PTPRD: variants seen among roughly 807,000 people sequenced by gnomAD.
PTPRD encodes protein tyrosine phosphatase receptor type D.
In PTPRD, 34 loss-of-function variants were observed where a neutral mutation model predicts 214.5. That is an observed-to-expected ratio of 0.16 (90% CI 0.12 to 0.21). PTPRD has a LOEUF of 0.21. PTPRD is among the 10% of genes least tolerant of loss of function. The pLI is 1.00. For synonymous variants in PTPRD, 1,128 were observed against 845.7 expected, an observed-to-expected ratio of 1.33 and a Z score of -5.79; for missense variants, 2,545 against 2,398.7, an observed-to-expected ratio of 1.06 and a Z score of -1.27.
chr9:9,972,314 G>T (rs1008212847), intron 4 of PTPRD, among the ~76,000 whole-genome samples: 2 of 152,012 alleles, frequency 1.3e-5, no homozygotes, highest in Non-Finnish European at 2.9e-5. Flanking sequence ...CCCTATTTTT[G>T]CTCTTCTCAA....
intron 25 of PTPRD, among the ~76,000 whole-genome samples, chr9:8,499,351 AT>A (rs370975692): frequency 3.3e-5 from 5 of 152,286 alleles, no homozygotes; most frequent in African/African-American, 1.2e-4. Flanking sequence ...TAAGTCAATC[AT>A]TTTTTGAAGT....
At chr9:8,636,965 T>G (rs1445375872) in intron 12 of PTPRD, 121 bp from the exon 13 acceptor site, 3 of 959,390 alleles carry the variant, frequency 3.1e-6, no homozygotes, top group Non-Finnish European at 1.5e-6. Flanking sequence ...ATTTTTACAA[T>G]GCACTATGGG....
intron 2 of PTPRD, among the ~76,000 whole-genome samples, chr9:10,396,117 C>T (rs2098165547): frequency 6.6e-6 from 1 of 151,908 alleles, no homozygotes; most frequent in African/African-American, 2.4e-5. Flanking sequence ...TCCATGAAAA[C>T]CCCTCAGATT....
chr9:8,411,289 T>C (rs981278536), intron 35 of PTPRD, among the ~76,000 whole-genome samples: 5 of 151,170 alleles, frequency 3.3e-5, no homozygotes, highest in Non-Finnish European at 7.4e-5. Flanking sequence ...TTTTTAAAAT[T>C]TTTTATTTAT....
At chr9:8,532,849 T>A (rs1421275396) in intron 14 of PTPRD, among the ~76,000 whole-genome samples, 1 of 152,038 alleles carries the variant, frequency 6.6e-6, no homozygotes, top group Non-Finnish European at 1.5e-5. Context: ...CCTCTTTGAA[T>A]CTGTTGGTAT....
At chr9:9,809,187 TTTTCTGTC>T (rs912486902) in intron 5 of PTPRD, among the ~76,000 whole-genome samples, 3 of 152,062 alleles carry the variant, frequency 2.0e-5, no homozygotes, top group Non-Finnish European at 2.9e-5. Context: ...GTAGGCCTTT[TTTTCTGTC>T]TATTCTGTCT....
At position 9,711,854 on chromosome 9, in the gene PTPRD, A is replaced by G. The variant is rs1306112623; in HGVS notation, c.-287+22679T>C. Among the ~76,000 whole-genome samples the G allele has an allele frequency of 6.6e-5, 10 of 152,194 alleles. No homozygotes were observed. The South Asian group carries it at 1.7e-3, about 25-fold the overall frequency. On this transcript the variant is annotated intron_variant, in intron 7 of 45. Transcript: ENST00000381196. ...ATTCACACAGCCTCAATAATTAGACATGCCTGATTCAGAGTCATGGCATGA... is the reference window on the plus strand; with the variant it reads ...ATTCACACAGCCTCAATAATTAGACGTGCCTGATTCAGAGTCATGGCATGA...
intron 7 of PTPRD, among the ~76,000 whole-genome samples, chr9:9,655,986 A>G (rs936794307): frequency 1.3e-5 from 2 of 152,250 alleles, no homozygotes; most frequent in East Asian, 3.8e-4. Context: ...TCAAAAAAAT[A>G]AAATGAATAA....
chr9:10,223,442 A>T (rs1191180375), intron 3 of PTPRD, among the ~76,000 whole-genome samples: 1 of 151,972 alleles, frequency 6.6e-6, no homozygotes, highest in East Asian at 1.9e-4. Flanking sequence ...AGGCGGGCAG[A>T]TCACTTGAGG....
intron 7 of PTPRD, among the ~76,000 whole-genome samples, chr9:9,684,507 T>C (rs921420456): frequency 2.6e-5 from 4 of 151,694 alleles, no homozygotes; most frequent in Non-Finnish European, 5.9e-5. Context: ...AAAGAAAGAC[T>C]CTACCTAAGA....
chr9:9,847,941 C>G (rs545298749), intron 5 of PTPRD, among the ~76,000 whole-genome samples: 3 of 152,108 alleles, frequency 2.0e-5, no homozygotes, highest in Non-Finnish European at 2.9e-5. Context: ...CCTGCTAGAA[C>G]AGCCCCCAGC....
At chr9:9,953,493 GAC>G (rs59836734) in intron 4 of PTPRD, among the ~76,000 whole-genome samples, 9,181 of 144,800 alleles carry the variant, frequency 0.063, 512 homozygotes, top group African/African-American at 0.16. Flanking sequence ...GGGAATTGTG[GAC>G]ACACACACAC....
chr9:9,206,420 A>G (rs965615683), intron 9 of PTPRD, among the ~76,000 whole-genome samples: 3 of 152,160 alleles, frequency 2.0e-5, no homozygotes, highest in African/African-American at 4.8e-5. Flanking sequence ...GGCAAGAGAA[A>G]TCAGTTAGGA....
intron 9 of PTPRD, among the ~76,000 whole-genome samples, chr9:9,206,091 G>C (rs1028549898): frequency 6.6e-6 from 1 of 152,156 alleles, no homozygotes; most frequent in Non-Finnish European, 1.5e-5. Flanking sequence ...ATTCTAGATA[G>C]CTTTTAGAGC....
intron 10 of PTPRD, among the ~76,000 whole-genome samples, chr9:9,050,698 C>G (rs905927445): frequency 1.2e-4 from 2 of 17,094 alleles, no homozygotes; most frequent in Non-Finnish European, 5.1e-3. Context: ...CTACCTACCT[C>G]TTAGTAGCTG....
At chr9:9,281,253 T>C (rs1445128519) in intron 9 of PTPRD, among the ~76,000 whole-genome samples, 1 of 151,104 alleles carries the variant, frequency 6.6e-6, no homozygotes, top group Non-Finnish European at 1.5e-5. Flanking sequence ...TAATTGATAG[T>C]CTGGGCCTCA....
At chr9:10,169,005 T>C (rs991123258) in intron 3 of PTPRD, among the ~76,000 whole-genome samples, 2 of 152,106 alleles carry the variant, frequency 1.3e-5, no homozygotes, top group Admixed American at 1.3e-4. Context: ...TGGTAACTTC[T>C]GGGAAATAAT....
At chr9:9,269,698 A>G (rs193234602) in intron 9 of PTPRD, among the ~76,000 whole-genome samples, 7 of 151,518 alleles carry the variant, frequency 4.6e-5, no homozygotes, top group Non-Finnish European at 8.9e-5. Context: ...AAATCCTGCT[A>G]TTTGTGATAA....
chr9:9,271,011 G>T (rs1411154832), intron 9 of PTPRD, among the ~76,000 whole-genome samples: 1 of 151,280 alleles, frequency 6.6e-6, no homozygotes, highest in Non-Finnish European at 1.5e-5. Context: ...TGGGGATAAA[G>T]GGTTCTATTT....
Sources: allele counts gnomAD v4.1 joint callset (sites outside exome capture counted in the v4.1 genomes callset), GRCh38; gene constraint gnomAD v4.1.1; transcripts MANE v1.5; gene names NCBI Gene and HGNC (gene_info 2026-07-23, HGNC 2026-07-21).